The following BGN variants were observed in gnomAD, a reference collection of about 807,000 sequenced individuals.
BGN encodes the protein biglycan.
A neutral mutation model predicts 20.0 loss-of-function variants in BGN; 6 were observed. The ratio of observed to expected loss-of-function variants is 0.30; its 90% CI spans 0.16 to 0.59. BGN has a LOEUF of 0.59. Ranked by LOEUF, BGN falls within the 20% of genes least tolerant of loss-of-function variation. The pLI, the probability that BGN is intolerant of heterozygous loss-of-function variation, is 0.88. For synonymous variants in BGN, 146 were observed against 134.6 expected, an observed-to-expected ratio of 1.08 and a Z score of -0.59; for missense variants, 292 against 312.1, an observed-to-expected ratio of 0.94 and a Z score of 0.49.
In BGN at chrX:153,509,107, C is replaced by A. The variant is rs782549390; in HGVS notation, c.*662C>A. On this transcript the variant is annotated 3_prime_UTR_variant, in exon 8 of 8. Coordinates refer to ENST00000331595, the MANE Select transcript of BGN (RefSeq NM_001711.6). ...TGTGTGTGTGTGTGTGTGTGTGTGT[C>A]TTGTGCTTCCTCAGACCTTTCTCGC... 1.2e-5 allele frequency: 1 copy of A among 83,371 alleles called. No individual in the cohort carries two copies. The highest frequency in any genetic ancestry group is 5.6e-5 in the African/African-American group (1 of 17,771). 6.9% of individuals were successfully genotyped at this position (83,371 alleles called of 1,213,427 possible). A position where few individuals can be genotyped will look rare whatever the true frequency, so the allele number is the denominator to read the frequency against.
At chrX:153,499,351 G>A (rs2089740200) in intron 1 of BGN, among the ~76,000 whole-genome samples, 4 of 112,270 alleles carry the variant, frequency 3.6e-5, no homozygotes, top group Non-Finnish European at 3.8e-5. Flanking sequence ...CCCGCACTCC[G>A]CCGACTGTGG....
At position 153,504,659 on chromosome X, in the gene BGN, C is replaced by T; in HGVS notation, c.28C>T (p.Leu10=). The change falls in exon 2 of 8, where the codon CTG becomes TTG. Residue 10 remains leucine (L), a synonymous_variant. Transcript: ENST00000331595. The part of the protein sequence containing the change: MWPLWRLVS[L]LALSQALPFE... The stretch of plus-strand genomic sequence containing the variant: ...GTGGCCCCTGTGGCGCCTCGTGTCT[C>T]TGCTGGCCCTGAGCCAGGCCCTGCC... 11 of 1,210,252 alleles carry T rather than the reference C, an allele frequency of 9.1e-6. No individual in the cohort carries two copies. Among genetic ancestry groups the T allele is most frequent in the Non-Finnish European group, 1.1e-5 (10 of 894,224 alleles).
At position 153,507,161 on chromosome X, in the gene BGN, G is replaced by C. The variant is rs782083771; in HGVS notation, c.885G>C (p.Gly295=). ...ACAAGTTGGCCAGGGTGCCCTCAGG[G>C]CTCCCAGACCTCAAGCTCCTCCAGG... is the stretch of plus-strand genomic sequence containing the variant. ...DNNKLARVPS[G]LPDLKLLQVV... is the part of the protein sequence containing the mutation. Residue 295 remains glycine (G), a synonymous_variant, in exon 7 of 8, where the codon GGG becomes GGC. Coordinates refer to ENST00000331595, the MANE Select transcript of BGN (RefSeq NM_001711.6). 1.2e-5 allele frequency: 15 copies of C among 1,204,558 alleles called. No individual in the cohort carries two copies. In the South Asian group the frequency reaches 2.7e-4, roughly 22 times the overall value.
chrX:153,507,167 A>G lies in BGN; in HGVS notation c.891A>G (p.Pro297=), dbSNP rs782750179. ...NKLARVPSGL[P]DLKLLQVVYL... Reference sequence around the variant, plus strand: ...TGGCCAGGGTGCCCTCAGGGCTCCCAGACCTCAAGCTCCTCCAGGTGAGAG... The same window carrying G: ...TGGCCAGGGTGCCCTCAGGGCTCCCGGACCTCAAGCTCCTCCAGGTGAGAG... Residue 297 remains proline (P), a synonymous_variant, in exon 7 of 8, where the codon CCA becomes CCG. Coordinates refer to ENST00000331595, the MANE Select transcript of BGN (RefSeq NM_001711.6). 4.6e-5 allele frequency: 55 copies of G among 1,202,220 alleles called. No homozygotes were observed. Among genetic ancestry groups the G allele is most frequent in the Non-Finnish European group, 5.5e-5 (49 of 890,882 alleles).
intron 1 of BGN, among the ~76,000 whole-genome samples, chrX:153,501,215 C>CGT (rs1220949280): frequency 4.6e-5 from 5 of 109,730 alleles, no homozygotes; most frequent in African/African-American, 9.9e-5. Flanking sequence ...TATGTGTGTA[C>CGT]GTGTGTGTGT....
intron 1 of BGN, among the ~76,000 whole-genome samples, chrX:153,501,178 G>T (rs1361324773): frequency 2.7e-5 from 3 of 110,945 alleles, no homozygotes; most frequent in Admixed American, 9.4e-5. Flanking sequence ...GCGTGTATGT[G>T]TGCATCTGTG....
In BGN at chrX:153,508,741, C is replaced by A. The variant is rs2089821531; in HGVS notation, c.*296C>A. ...CCCCATGAAGCTTTTTTCTCGTTCACTCCCAAACCCAAGTGTCCAAGGCTC... is the reference window on the plus strand; with the variant it reads ...CCCCATGAAGCTTTTTTCTCGTTCAATCCCAAACCCAAGTGTCCAAGGCTC... On this transcript the variant is annotated 3_prime_UTR_variant, in exon 8 of 8. Coordinates refer to ENST00000331595, the MANE Select transcript of BGN (RefSeq NM_001711.6). The A allele has an allele frequency of 2.7e-6, 1 of 373,263 alleles. No individual in the cohort carries two copies. Among genetic ancestry groups the A allele is most frequent in the Admixed American group, 4.8e-5 (1 of 20,883 alleles). The allele number at this position is 373,263 out of a possible 1,213,427, so 30.8% of individuals were successfully genotyped here.
chrX:153,495,895 G>A (rs1046512904), intron 1 of BGN, among the ~76,000 whole-genome samples: 2 of 112,592 alleles, frequency 1.8e-5, no homozygotes, highest in Non-Finnish European at 3.8e-5. Flanking sequence ...GGGTGTGGAG[G>A]GGAAGGAGAG....
At position 153,508,807 on chromosome X, in the gene BGN, C is replaced by T. The variant is rs958157838; in HGVS notation, c.*362C>T. ...AGTCCCTGGGTCAGCAGCCAGGAGG[C>T]GGTCCATAAGAATGGGGACAGTGGG... On this transcript the variant is annotated 3_prime_UTR_variant, in exon 8 of 8. Transcript: ENST00000331595. 1.1e-5 allele frequency: 3 copies of T among 266,072 alleles called. No individual in the cohort carries two copies. Among genetic ancestry groups the T allele is most frequent in the East Asian group, 8.5e-5 (1 of 11,806 alleles). The allele number at this position is 266,072 out of a possible 1,213,427, so 21.9% of individuals were successfully genotyped here. A position where few individuals can be genotyped will look rare whatever the true frequency, so the allele number is the denominator to read the frequency against.
intron 4 of BGN, 35 bp from the exon 5 acceptor site, chrX:153,506,494 A>G: frequency 8.5e-7 from 1 of 1,169,984 alleles, no homozygotes; most frequent in South Asian, 1.8e-5. Context: ...TGCAGGGACC[A>G]CCAGGCTCCC....
chrX:153,508,111 G>C (rs189253256), intron 7 of BGN, 137 bp from the exon 8 acceptor site: 2 of 656,416 alleles, frequency 3.0e-6, no homozygotes, highest in Non-Finnish European at 4.8e-6. Context: ...GCCTTGGTTT[G>C]CTCCTCCCAA....
intron 7 of BGN, 125 bp from the exon 8 acceptor site, chrX:153,508,123 A>T: frequency 2.7e-6 from 2 of 753,700 alleles, no homozygotes; most frequent in Admixed American, 5.5e-5. Flanking sequence ...TCCTCCCAAC[A>T]ACGGGGAGCC....
At chrX:153,501,639 C>T (rs1556991905) in intron 1 of BGN, among the ~76,000 whole-genome samples, 1 of 112,636 alleles carries the variant, frequency 8.9e-6, no homozygotes, top group Non-Finnish European at 1.9e-5. Context: ...GGAGCCTGCC[C>T]CTTCCTCGGG....
At chrX:153,499,343 C>T (rs1247100692) in intron 1 of BGN, among the ~76,000 whole-genome samples, 1 of 111,841 alleles carries the variant, frequency 8.9e-6, no homozygotes, top group East Asian at 2.8e-4. Context: ...GGCTGAGTCC[C>T]GCACTCCGCC....
At chrX:153,507,363 G>A (rs2089809975) in intron 7 of BGN, among the ~76,000 whole-genome samples, 178 bp downstream of exon 7, 1 of 112,811 alleles carries the variant, frequency 8.9e-6, no homozygotes, top group African/African-American at 3.2e-5. Flanking sequence ...GGGCTCCATG[G>A]TGGATACCGA....
At chrX:153,506,758 G>A (rs782320901) in intron 5 of BGN, 72 bp from the exon 6 acceptor site, 11 of 1,158,277 alleles carry the variant, frequency 9.5e-6, no homozygotes, top group South Asian at 5.4e-5. Flanking sequence ...GTCCCCTCCC[G>A]CCACCTGGGG....
At chrX:153,501,892 A>AC (rs1201458253) in intron 1 of BGN, among the ~76,000 whole-genome samples, 50 of 102,745 alleles carry the variant, frequency 4.9e-4, no homozygotes, top group African/African-American at 9.8e-4. Context: ...TCTCTTGGAG[A>AC]CCCCCCAGAC....
chrX:153,507,267 C>G, intron 7 of BGN, 82 bp downstream of exon 7: 2 of 1,080,499 alleles, frequency 1.9e-6, no homozygotes, highest in Non-Finnish European at 2.5e-6. Context: ...CCCTCAGTCC[C>G]CTGGCCCTCC....
At chrX:153,503,719 TG>T (rs1285893661) in intron 1 of BGN, among the ~76,000 whole-genome samples, 2 of 112,245 alleles carry the variant, frequency 1.8e-5, no homozygotes, top group Non-Finnish European at 3.8e-5. Flanking sequence ...CGCCTCGGCC[TG>T]GGGGGCCTCA....
Sources: gnomAD v4.1 joint callset for allele counts (sites outside exome capture counted in the v4.1 genomes callset) on GRCh38, gnomAD v4.1.1 for gene constraint, MANE v1.5 for transcripts, NCBI Gene and HGNC (gene_info 2026-07-23, HGNC 2026-07-21) for gene names.